GTPBP1: variants seen among roughly 807,000 people sequenced by gnomAD.
GTPBP1 encodes the protein GTP binding protein 1, also known as GTP-binding protein 1.
In GTPBP1, 23 loss-of-function variants were observed where a neutral mutation model predicts 62.0. The observed-to-expected ratio is 0.37, with a 90% confidence interval of 0.27 to 0.53. The LOEUF is 0.53. Among genes scored for constraint, GTPBP1 ranks in the 20% least tolerant of loss-of-function variants. The pLI, the probability that GTPBP1 is intolerant of heterozygous loss-of-function variation, is 0.89. For synonymous variants in GTPBP1, 344 were observed against 364.4 expected, an observed-to-expected ratio of 0.94 and a Z score of 0.64; for missense variants, 640 against 917.3, an observed-to-expected ratio of 0.70 and a Z score of 3.90.
downstream of GTPBP1, chr22:38,735,350 G>A (rs748901953): frequency 1.2e-5 from 5 of 412,070 alleles, no homozygotes; most frequent in Non-Finnish European, 2.4e-5. Context: ...CTCGCACCCC[G>A]ATACCCTGAA....
downstream of GTPBP1, chr22:38,738,086 A>G: frequency 8.3e-7 from 1 of 1,209,298 alleles, no homozygotes; most frequent in Non-Finnish European, 1.2e-6. The surrounding 1 kb of genome is among the most constrained non-coding windows in gnomAD (Gnocchi z 6.6). Context: ...TCTGAACCCC[A>G]TGCCTGGCAG....
At chr22:38,738,085 C>T (rs767185819), downstream of GTPBP1, 1 of 1,193,224 alleles carries the variant, frequency 8.4e-7, no homozygotes, top group Admixed American at 1.7e-5. The surrounding 1 kb of genome is among the most constrained non-coding windows in gnomAD (Gnocchi z 6.6). Context: ...CTCTGAACCC[C>T]ATGCCTGGCA....
downstream of GTPBP1, chr22:38,741,493 C>T (rs769989416): frequency 1.9e-6 from 3 of 1,613,776 alleles, no homozygotes; most frequent in African/African-American, 2.7e-5. Context: ...AGCCCGCTGA[C>T]CTGGGAGGCC....
At chr22:38,741,719 C>T (rs528397425), downstream of GTPBP1, 166 of 688,656 alleles carry the variant, frequency 2.4e-4, 3 homozygotes, top group South Asian at 2.7e-3. Flanking sequence ...CGCAAGACTC[C>T]CGCTTCAGCT....
Position 38,716,243 on chromosome 22 carries a change from G to A in GTPBP1, c.485+156G>A, listed in dbSNP as rs2092669798. The A allele has an allele frequency of 1.5e-6, 1 of 648,638 alleles. No individual in the cohort carries two copies. The highest frequency in any genetic ancestry group is 1.8e-5 in the African/African-American group (1 of 54,266). 40.2% of individuals were successfully genotyped at this position (648,638 alleles called of 1,614,324 possible). On this transcript the variant is annotated intron_variant, in intron 3 of 11. Coordinates refer to ENST00000216044, the MANE Select transcript of GTPBP1 (RefSeq NM_004286.5). The surrounding 1 kb of genome is among the most constrained non-coding windows in gnomAD (Gnocchi z 5.2). ...GACGTGGGCTCCTTGCTCTAATTCT[G>A]CACTTCCCTGTCACTTTGGGAAGAG...
chr22:38,727,206 C>CT lies in GTPBP1; in HGVS notation c.1402-4dup. 6.4e-7 allele frequency: 1 copy of CT among 1,563,376 alleles called. No homozygotes were observed. The highest frequency in any genetic ancestry group is 1.2e-5 in the South Asian group (1 of 84,986). On this transcript the variant is annotated splice_polypyrimidine_tract_variant and splice_region_variant and intron_variant, in intron 8 of 11. Transcript: ENST00000216044. The surrounding 1 kb of genome is among the most constrained non-coding windows in gnomAD (Gnocchi z 6.5). ...CCCTGAGGGCTGGGGCTCCCTCTTT[C>CT]TTTCAGATCAAGCGCTCGTCCATCC...
chr22:38,740,230 G>C, downstream of GTPBP1: 2 of 1,509,146 alleles, frequency 1.3e-6, no homozygotes, highest in Non-Finnish European at 1.8e-6. This position sits in a 1 kb window ranked among gnomAD's most constrained non-coding sequence, Gnocchi z 4.8. Context: ...AAAGGAGGAG[G>C]AGAGGGACCA....
At chr22:38,717,141 G>C in intron 4 of GTPBP1, 141 bp downstream of exon 4, 1 of 610,690 alleles carries the variant, frequency 1.6e-6, no homozygotes, top group Non-Finnish European at 2.9e-6. Flanking sequence ...GTTTTGCAGG[G>C]GTGCCCAGTC....
chr22:38,740,486 C>A, downstream of GTPBP1: 1 of 1,411,684 alleles, frequency 7.1e-7, no homozygotes, highest in Non-Finnish European at 9.3e-7. The surrounding 1 kb of genome is among the most constrained non-coding windows in gnomAD (Gnocchi z 4.8). Context: ...GGAGGTAAGG[C>A]CACACCAAAG....
rs915902323 is a variant in GTPBP1, at chr22:38,727,300, C to G, written c.1489C>G (p.Leu497Val). The G allele has an allele frequency of 1.3e-5, 21 of 1,599,836 alleles. No individual in the cohort carries two copies. The highest frequency in any genetic ancestry group is 1.6e-5 in the Non-Finnish European group (19 of 1,172,974). The change falls in exon 9 of 12, where the codon CTC becomes GTC. Residue 497 changes from leucine (L) to valine (V), a missense_variant. By Grantham distance (32) the Leu-to-Val change is conservative (BLOSUM62 1). Around this residue, in one of 4 missense-constraint regions of GTPBP1, gnomAD observed 220 missense variants for 358.1 expected, o/e 0.61. Transcript: ENST00000216044. The surrounding 1 kb of genome is among the most constrained non-coding windows in gnomAD (Gnocchi z 6.5). Reference sequence around the variant, plus strand: ...CTCCTGGGAGTTTGAGGCCGAGATTCTCGTCCTCCACCACCCCACCACAAT... The same window carrying G: ...CTCCTGGGAGTTTGAGGCCGAGATTGTCGTCCTCCACCACCCCACCACAAT... Reference protein sequence around the residue: ...QASWEFEAEILVLHHPTTISP... With the variant: ...QASWEFEAEIVVLHHPTTISP...
intron 1 of GTPBP1, among the ~76,000 whole-genome samples, chr22:38,708,522 G>A (rs979588048): frequency 3.9e-5 from 6 of 152,180 alleles, no homozygotes; most frequent in African/African-American, 1.4e-4. Context: ...AAAGCACTGC[G>A]CTTTCTATCC....
In GTPBP1 at chr22:38,716,703, C is replaced by T. The variant is rs2092673126; in HGVS notation, c.537C>T (p.Val179=). The T allele has an allele frequency of 2.5e-6, 4 of 1,614,016 alleles. No homozygotes were observed. The highest frequency in any genetic ancestry group is 1.7e-5 in the Admixed American group (1 of 59,992). The change falls in exon 4 of 12, where the codon GTC becomes GTT. Residue 179 remains valine, a synonymous_variant. Transcript: ENST00000216044. This position sits in a 1 kb window ranked among gnomAD's most constrained non-coding sequence, Gnocchi z 5.2. Reference sequence around the variant, plus strand: ...CTGGCAAAAGCACGCTTCTGGGGGTCCTGACACATGGGGAGCTGGACAATG... The same window carrying T: ...CTGGCAAAAGCACGCTTCTGGGGGTTCTGACACATGGGGAGCTGGACAATG... The part of the protein sequence containing the change: ...VDAGKSTLLG[V]LTHGELDNGR...
intron 1 of GTPBP1, among the ~76,000 whole-genome samples, chr22:38,708,635 A>G (rs1257184087): frequency 6.6e-6 from 1 of 152,186 alleles, no homozygotes; most frequent in Non-Finnish European, 1.5e-5. Context: ...TCAGACATAC[A>G]CATTGTAGTA....
At chr22:38,735,929 T>C (rs538202164), downstream of GTPBP1, 70 of 221,152 alleles carry the variant, frequency 3.2e-4, 2 homozygotes, top group African/African-American at 1.5e-3. Context: ...CTTCATCAGC[T>C]CCCAGGCACC....
chr22:38,738,370 G>A (rs1291250762), downstream of GTPBP1: 8 of 1,156,348 alleles, frequency 6.9e-6, no homozygotes, highest in Non-Finnish European at 1.0e-5. This position sits in a 1 kb window ranked among gnomAD's most constrained non-coding sequence, Gnocchi z 6.6. Flanking sequence ...CACCAGAGTG[G>A]CCTATGACAA....
chr22:38,736,324 G>C (rs1395225334), downstream of GTPBP1: 1 of 1,613,928 alleles, frequency 6.2e-7, no homozygotes, highest in Admixed American at 1.7e-5. Context: ...ACTCGGGGTG[G>C]CCCCAGTTAG....
chr22:38,727,219 C>T lies in GTPBP1; in HGVS notation c.1408C>T (p.Arg470Cys), dbSNP rs2092731421. Residue 470 changes from arginine to cysteine, a missense_variant, in exon 9 of 12, where the codon CGC becomes TGC. Physicochemically the swap from Arg to Cys is radical, Grantham distance 180. This residue lies in a region of GTPBP1 where 220 missense variants were observed against 358.1 expected (regional missense o/e 0.61). Coordinates refer to ENST00000216044, the MANE Select transcript of GTPBP1 (RefSeq NM_004286.5). This position sits in a 1 kb window ranked among gnomAD's most constrained non-coding sequence, Gnocchi z 6.5. ...TASFALKKIK[R>C]SSIRKGMVMV... ...GGCTCCCTCTTTCTTTCAGATCAAG[C>T]GCTCGTCCATCCGGAAGGGCATGGT... 1.9e-6 allele frequency: 3 copies of T among 1,580,642 alleles called. No individual in the cohort carries two copies. Among genetic ancestry groups the T allele is most frequent in the East Asian group, 2.4e-5 (1 of 41,528 alleles).
Position 38,727,924 on chromosome 22 carries a change from C to A in GTPBP1, c.1538-59C>A. 1 of 1,222,592 alleles carries A rather than the reference C, an allele frequency of 8.2e-7. No homozygotes were observed. Among genetic ancestry groups the A allele is most frequent in the Non-Finnish European group, 1.2e-6 (1 of 828,034 alleles). The allele number at this position is 1,222,592 out of a possible 1,614,324, so 75.7% of individuals were successfully genotyped here. A position where few individuals can be genotyped will look rare whatever the true frequency, so the allele number is the denominator to read the frequency against. On this transcript the variant is annotated intron_variant, in intron 9 of 11. Coordinates refer to ENST00000216044, the MANE Select transcript of GTPBP1 (RefSeq NM_004286.5). This position sits in a 1 kb window ranked among gnomAD's most constrained non-coding sequence, Gnocchi z 6.5. ...TTTCATGCTTTCACTCACTGCCTCC[C>A]GTTGTCCTGAAGCCACCAGGTGGCT...
In GTPBP1 at chr22:38,727,762, G is replaced by A. The variant is rs549273118; in HGVS notation, c.1538-221G>A. ...TGGGACCCTTGTCTGCCCAGGGCCT[G>A]GGGGTGGGGGATGACGGGTGGGCAT... On this transcript the variant is annotated intron_variant, in intron 9 of 11. Transcript: ENST00000216044. The surrounding 1 kb of genome is among the most constrained non-coding windows in gnomAD (Gnocchi z 6.5). Among the ~76,000 whole-genome samples the A allele has an allele frequency of 4.1e-4, 63 of 152,316 alleles. No homozygotes were observed. Among genetic ancestry groups the A allele is most frequent in the African/African-American group, 1.5e-3 (62 of 41,556 alleles).
Sources: gnomAD v4.1 joint callset for allele counts (sites outside exome capture counted in the v4.1 genomes callset) on GRCh38, gnomAD v4.1.1 for gene constraint, gnomAD v4.1.1 regional missense constraint, Gnocchi (gnomAD v3.1) non-coding constraint, MANE v1.5 for transcripts, NCBI Gene and HGNC (gene_info 2026-07-23, HGNC 2026-07-21) for gene names.